SEMA5A: variants seen among roughly 807,000 people sequenced by gnomAD.
SEMA5A encodes semaphorin 5A.
In SEMA5A, 55 loss-of-function variants were observed where a neutral mutation model predicts 135.5. The observed-to-expected ratio is 0.41, with a 90% confidence interval of 0.33 to 0.51. SEMA5A has a LOEUF of 0.51. Ranked by LOEUF, SEMA5A falls within the 20% of genes least tolerant of loss-of-function variation. The probability of loss-of-function intolerance (pLI) is 0.37; values close to 1 mark genes in which losing one functional copy is unlikely to be tolerated. For synonymous variants in SEMA5A, 580 were observed against 546.5 expected, an observed-to-expected ratio of 1.06 and a Z score of -0.85; for missense variants, 1,290 against 1,419.9, an observed-to-expected ratio of 0.91 and a Z score of 1.47.
intron 10 of SEMA5A, among the ~76,000 whole-genome samples, chr5:9,193,929 G>T (rs1745248849): frequency 6.6e-6 from 1 of 152,242 alleles, no homozygotes; most frequent in Non-Finnish European, 1.5e-5. Flanking sequence ...AATCTGCTTT[G>T]CATATCAAAG....
intron 16 of SEMA5A, among the ~76,000 whole-genome samples, chr5:9,075,062 T>C (rs1299625151): frequency 6.6e-6 from 1 of 152,102 alleles, no homozygotes; most frequent in African/African-American, 2.4e-5. Context: ...TTACTAGTCA[T>C]AAAAACACAA....
chr5:9,097,540 G>A (rs184595997), intron 16 of SEMA5A, among the ~76,000 whole-genome samples: 26 of 152,318 alleles, frequency 1.7e-4, no homozygotes, highest in Admixed American at 4.6e-4. Context: ...TTGGAAATGA[G>A]TCTGCTGAGA....
Position 9,510,705 on chromosome 5 carries a change from A to T in SEMA5A, c.-175+34879T>A, listed in dbSNP as rs79416842. Among the ~76,000 whole-genome samples, 780 of 152,342 alleles carry T rather than the reference A, an allele frequency of 5.1e-3. 4 individuals carry two copies. The highest frequency in any genetic ancestry group is 0.018 in the African/African-American group (748 of 41,586). The stretch of plus-strand genomic sequence containing the variant: ...TATTATATTTCTAATCCTTCTCCCA[A>T]GTTAATGCAAATTTAGAAAATTTTG... On this transcript the variant is annotated intron_variant, in intron 1 of 22. Transcript: ENST00000382496.
At chr5:9,341,861 T>C (rs1328223639) in intron 3 of SEMA5A, among the ~76,000 whole-genome samples, 1 of 151,802 alleles carries the variant, frequency 6.6e-6, no homozygotes, top group Non-Finnish European at 1.5e-5. Context: ...TTACATTCAT[T>C]GATTCTTAGT....
At chr5:9,350,836 C>T (rs1292105667) in intron 3 of SEMA5A, among the ~76,000 whole-genome samples, 1 of 152,178 alleles carries the variant, frequency 6.6e-6, no homozygotes, top group Non-Finnish European at 1.5e-5. Context: ...TTTATGGGTG[C>T]TAACTTTAAT....
intron 1 of SEMA5A, among the ~76,000 whole-genome samples, chr5:9,510,431 A>G (rs923858830): frequency 7.2e-5 from 11 of 152,232 alleles, no homozygotes; most frequent in African/African-American, 2.7e-4. Flanking sequence ...CTAGATTGGT[A>G]AGCACAAACT....
intron 5 of SEMA5A, among the ~76,000 whole-genome samples, chr5:9,245,961 G>A (rs1241680239): frequency 6.6e-6 from 1 of 151,878 alleles, no homozygotes; most frequent in Non-Finnish European, 1.5e-5. Flanking sequence ...GAACCCTGCT[G>A]GGATGATCTT....
At chr5:9,255,474 CACA>C (rs1308983847) in intron 5 of SEMA5A, among the ~76,000 whole-genome samples, 1 of 152,150 alleles carries the variant, frequency 6.6e-6, no homozygotes, top group African/African-American at 2.4e-5. Flanking sequence ...AAGTGGGGAT[CACA>C]ACAATTCACT....
At chr5:9,052,836 T>A (rs947832418) in intron 19 of SEMA5A, among the ~76,000 whole-genome samples, 4 of 152,190 alleles carry the variant, frequency 2.6e-5, no homozygotes, top group African/African-American at 9.6e-5. Context: ...GGATATTGTT[T>A]ATGGAATTTT....
At chr5:9,077,355 C>G (rs1738125063) in intron 16 of SEMA5A, among the ~76,000 whole-genome samples, 1 of 152,194 alleles carries the variant, frequency 6.6e-6, no homozygotes, top group African/African-American at 2.4e-5. Flanking sequence ...ACGCTAGTTA[C>G]TCTGGGGAGA....
intron 2 of SEMA5A, among the ~76,000 whole-genome samples, chr5:9,431,088 A>C (rs1444033765): frequency 6.6e-6 from 1 of 152,208 alleles, no homozygotes; most frequent in African/African-American, 2.4e-5. Context: ...TTTCCATCAG[A>C]ATTAATCAGT....
At chr5:9,322,632 T>G (rs1227165086) in intron 4 of SEMA5A, among the ~76,000 whole-genome samples, 1 of 152,182 alleles carries the variant, frequency 6.6e-6, no homozygotes, top group Non-Finnish European at 1.5e-5. Context: ...CTAAAGAGTA[T>G]ATACCCTTCA....
At chr5:9,065,690 T>C (rs1737428741) in intron 17 of SEMA5A, among the ~76,000 whole-genome samples, 1 of 152,196 alleles carries the variant, frequency 6.6e-6, no homozygotes, top group Non-Finnish European at 1.5e-5. Context: ...TTTGCCCAAT[T>C]AGAGGAGGCT....
At chr5:9,391,606 C>T (rs1023502309) in intron 2 of SEMA5A, among the ~76,000 whole-genome samples, 3 of 152,116 alleles carry the variant, frequency 2.0e-5, no homozygotes, top group Non-Finnish European at 2.9e-5. Context: ...AAGCAAATCC[C>T]GTCACTACTT....
intron 1 of SEMA5A, among the ~76,000 whole-genome samples, chr5:9,447,538 G>A (rs977453990): frequency 4.6e-5 from 7 of 152,144 alleles, no homozygotes; most frequent in African/African-American, 1.7e-4. Flanking sequence ...TCTCATTTTC[G>A]CATTACGGCA....
intron 22 of SEMA5A, 117 bp downstream of exon 22, chr5:9,044,256 A>T: frequency 1.2e-6 from 1 of 860,044 alleles, no homozygotes; most frequent in Non-Finnish European, 1.9e-6. Context: ...TTATTCTCAC[A>T]TAGGGAGAAA....
intron 8 of SEMA5A, among the ~76,000 whole-genome samples, chr5:9,218,050 G>T (rs1180773525): frequency 6.6e-6 from 1 of 152,130 alleles, no homozygotes; most frequent in Non-Finnish European, 1.5e-5. Context: ...CTACTTGAGG[G>T]TAGAGGCGGG....
chr5:9,272,646 C>T (rs1447341074), intron 5 of SEMA5A, among the ~76,000 whole-genome samples: 1 of 152,126 alleles, frequency 6.6e-6, no homozygotes, highest in Non-Finnish European at 1.5e-5. Context: ...CCCTGTGGGA[C>T]AAAGCTTCCA....
chr5:9,455,662 A>T (rs1310950933), intron 1 of SEMA5A, among the ~76,000 whole-genome samples: 1 of 152,226 alleles, frequency 6.6e-6, no homozygotes, highest in Admixed American at 6.5e-5. Flanking sequence ...AAGCAATCTT[A>T]TAGTAAGAAA....
Sources: gnomAD v4.1 joint callset for allele counts (sites outside exome capture counted in the v4.1 genomes callset) on GRCh38, gnomAD v4.1.1 for gene constraint, MANE v1.5 for transcripts, NCBI Gene and HGNC (gene_info 2026-07-23, HGNC 2026-07-21) for gene names.